The following SNX29 variants were observed in gnomAD, a reference collection of about 807,000 sequenced individuals.
SNX29 encodes the protein sorting nexin-29.
A neutral mutation model predicts 102.1 loss-of-function variants in SNX29; 78 were observed. The observed-to-expected ratio is 0.76, with a 90% CI of 0.64 to 0.92. The LOEUF is 0.92. SNX29 is among the 40% of genes least tolerant of loss of function. The probability of loss-of-function intolerance (pLI) is 0.00; values close to 1 mark genes in which losing one functional copy is unlikely to be tolerated. For synonymous variants in SNX29, 580 were observed against 414.5 expected, an observed-to-expected ratio of 1.40 and a Z score of -4.85; for missense variants, 1,280 against 1,061.7, an observed-to-expected ratio of 1.21 and a Z score of -2.86.
chr16:12,563,215 C>T (rs2078831454), intron 20 of SNX29, among the ~76,000 whole-genome samples: 1 of 152,148 alleles, frequency 6.6e-6, no homozygotes, highest in Non-Finnish European at 1.5e-5. Context: ...GATTGAGGCT[C>T]ATACCCTGAA....
intron 15 of SNX29, among the ~76,000 whole-genome samples, chr16:12,319,685 G>T (rs1049239148): frequency 6.6e-6 from 1 of 152,168 alleles, no homozygotes; most frequent in African/African-American, 2.4e-5. Context: ...CCGCCAGGAG[G>T]AGAGAAGATT....
intron 11 of SNX29, among the ~76,000 whole-genome samples, chr16:12,113,797 G>T (rs1476348249): frequency 6.6e-6 from 1 of 152,234 alleles, no homozygotes; most frequent in Non-Finnish European, 1.5e-5. Context: ...CCGGCGAGCG[G>T]CCAGCGGACA....
intron 11 of SNX29, among the ~76,000 whole-genome samples, chr16:12,084,697 C>T (rs2052075709): frequency 6.6e-6 from 1 of 152,158 alleles, no homozygotes; most frequent in Non-Finnish European, 1.5e-5. Flanking sequence ...GATAGAGTGA[C>T]AGGATCAACA....
intron 18 of SNX29, among the ~76,000 whole-genome samples, chr16:12,420,230 C>G (rs1313960732): frequency 6.6e-6 from 1 of 152,246 alleles, no homozygotes; most frequent in African/African-American, 2.4e-5. Flanking sequence ...CGAAGTTTCA[C>G]ATTAATACTT....
chr16:12,559,238 C>G (rs1019471686), intron 20 of SNX29, among the ~76,000 whole-genome samples: 2 of 152,100 alleles, frequency 1.3e-5, no homozygotes, highest in South Asian at 2.1e-4. Flanking sequence ...CTCCCCATCA[C>G]TCGCATCACC....
At position 12,386,599 on chromosome 16, in the gene SNX29, A is replaced by G. The variant is rs534164504; in HGVS notation, c.1900-11847A>G. Among the ~76,000 whole-genome samples the G allele has an allele frequency of 3.3e-5, 5 of 152,334 alleles. No individual in the cohort carries two copies. The South Asian group carries it at 1.0e-3, about 32-fold the overall frequency. On this transcript the variant is annotated intron_variant, in intron 16 of 20. Transcript: ENST00000566228. ...GTTGCCAATAGCAGGGTTCTTGGTA[A>G]GATGCCATTCCAGAGAAGGAGTCTG...
At chr16:12,533,249 C>A (rs775982375) in intron 20 of SNX29, among the ~76,000 whole-genome samples, 2 of 152,250 alleles carry the variant, frequency 1.3e-5, no homozygotes, top group Non-Finnish European at 2.9e-5. Context: ...GCAGCTGATT[C>A]TCCTGTGGAG....
chr16:12,413,108 A>G (rs758192561), intron 18 of SNX29, among the ~76,000 whole-genome samples: 1 of 152,154 alleles, frequency 6.6e-6, no homozygotes, highest in Non-Finnish European at 1.5e-5. Flanking sequence ...CTGTGGCCAC[A>G]GTTGTCACTG....
At chr16:12,299,552 G>C (rs892114237) in intron 15 of SNX29, among the ~76,000 whole-genome samples, 10 of 152,092 alleles carry the variant, frequency 6.6e-5, no homozygotes, top group African/African-American at 2.4e-4. Context: ...GGGGGCCCTG[G>C]CTCTTTGACT....
intron 14 of SNX29, among the ~76,000 whole-genome samples, chr16:12,250,808 A>G (rs2078398627): frequency 6.6e-6 from 1 of 152,178 alleles, no homozygotes; most frequent in Non-Finnish European, 1.5e-5. Flanking sequence ...GTGCAGAAAG[A>G]CAAACGGGTT....
At chr16:12,103,533 A>C (rs1321800594) in intron 11 of SNX29, among the ~76,000 whole-genome samples, 1 of 152,244 alleles carries the variant, frequency 6.6e-6, no homozygotes, top group African/African-American at 2.4e-5. Context: ...CCTTATACAA[A>C]AATTAACTCA....
intron 20 of SNX29, among the ~76,000 whole-genome samples, chr16:12,550,531 CAAAAAA>C (rs34325828): frequency 9.2e-6 from 1 of 108,182 alleles, no homozygotes; most frequent in African/African-American, 3.0e-5. Context: ...TCTCAATCTA[CAAAAAA>C]AAAAAAAAAA....
intron 20 of SNX29, among the ~76,000 whole-genome samples, chr16:12,548,282 A>G (rs551938225): frequency 6.6e-6 from 1 of 152,276 alleles, no homozygotes; most frequent in South Asian, 2.1e-4. Context: ...CTGACTGGGA[A>G]GGCTGGAAGC....
At chr16:12,522,009 G>A (rs2090119545) in intron 19 of SNX29, among the ~76,000 whole-genome samples, 4 of 152,166 alleles carry the variant, frequency 2.6e-5, no homozygotes, top group Admixed American at 2.6e-4. Context: ...GCCGCTCATC[G>A]GAGGTGGCTT....
chr16:12,371,180 G>A (rs2151380829), intron 16 of SNX29, among the ~76,000 whole-genome samples: 1 of 152,344 alleles, frequency 6.6e-6, no homozygotes. Flanking sequence ...TTGGGGATCA[G>A]CCAAGGCTTT....
chr16:12,279,364 C>A (rs1030935050), intron 15 of SNX29, among the ~76,000 whole-genome samples: 3 of 151,938 alleles, frequency 2.0e-5, no homozygotes, highest in African/African-American at 7.2e-5. Flanking sequence ...AGGAAGGTGG[C>A]TTTAGAAACA....
At chr16:12,331,124 G>T (rs2081280342) in intron 15 of SNX29, among the ~76,000 whole-genome samples, 1 of 152,230 alleles carries the variant, frequency 6.6e-6, no homozygotes, top group Non-Finnish European at 1.5e-5. Flanking sequence ...ATCCTCTGCT[G>T]GTATGAGCTT....
intron 20 of SNX29, 146 bp from the exon 21 acceptor site, chr16:12,568,360 G>C: frequency 5.7e-6 from 6 of 1,060,904 alleles, no homozygotes; most frequent in Non-Finnish European, 8.0e-6. Flanking sequence ...ATTTCTTCAG[G>C]TGGCACCAGT....
intron 13 of SNX29, among the ~76,000 whole-genome samples, chr16:12,149,789 G>C (rs1431741800): frequency 1.3e-5 from 2 of 152,196 alleles, no homozygotes; most frequent in Non-Finnish European, 2.9e-5. Flanking sequence ...AATGAAGGCA[G>C]TTCTATATCA....
Sources: gnomAD v4.1 joint callset for allele counts (sites outside exome capture counted in the v4.1 genomes callset) on GRCh38, gnomAD v4.1.1 for gene constraint, MANE v1.5 for transcripts, NCBI Gene and HGNC (gene_info 2026-07-23, HGNC 2026-07-21) for gene names.